Variants in NRG3 observed in about 807,000 individuals in gnomAD.
NRG3 encodes neuregulin 3, also known as pro-neuregulin-3, membrane-bound isoform.
In NRG3, 31 loss-of-function variants were observed where a neutral mutation model predicts 66.9. The observed-to-expected ratio is 0.46, with a 90% CI of 0.35 to 0.63. The LOEUF (loss-of-function observed/expected upper bound fraction) is 0.63. Ranked by LOEUF, NRG3 falls within the 20% of genes least tolerant of loss-of-function variation. NRG3 has a pLI of 0.00. For missense variants in NRG3, 910 were observed against 878.9 expected (o/e 1.04, Z -0.45); for synonymous variants, 393 against 359.4 (o/e 1.09, Z -1.06).
intron 2 of NRG3, among the ~76,000 whole-genome samples, chr10:82,454,396 A>G (rs887901923): frequency 2.6e-5 from 4 of 152,226 alleles, no homozygotes; most frequent in African/African-American, 9.6e-5. Flanking sequence ...ATATAAAAGA[A>G]TATCTTAGAA....
rs113299431 is a variant in NRG3, at chr10:82,711,282, C to T, written c.954-27295C>T. Among the ~76,000 whole-genome samples, 767 of 151,918 alleles carry T rather than the reference C, an allele frequency of 5.0e-3. 6 individuals are homozygous for T. The highest frequency in any genetic ancestry group is 0.018 in the African/African-American group (733 of 41,436). ...TTTTTATTTTTTTAGAGATGGAGCC[C>T]TGCCATGTTGCCCAGGCTGGTCTCA... On this transcript the variant is annotated intron_variant, in intron 2 of 8. Transcript: ENST00000372141.
Position 82,441,806 on chromosome 10 carries a change from G to A in NRG3, c.953+82938G>A, listed in dbSNP as rs111262145. On this transcript the variant is annotated intron_variant, in intron 2 of 8. Coordinates refer to ENST00000372141, the MANE Select transcript of NRG3 (RefSeq NM_001010848.4). ...TCATCAGAATCACACACAGCCTGCT[G>A]TGGTGACCAATCACCAGTCAGATCA... Among the ~76,000 whole-genome samples the A allele has an allele frequency of 5.6e-3, 851 of 152,322 alleles. 8 individuals are homozygous for A. The highest frequency in any genetic ancestry group is 0.016 in the African/African-American group (667 of 41,576).
intron 2 of NRG3, among the ~76,000 whole-genome samples, chr10:82,479,296 G>A (rs775791321): frequency 6.6e-5 from 10 of 152,076 alleles, no homozygotes; most frequent in South Asian, 2.1e-4. Flanking sequence ...TGGTACATAC[G>A]TATATTTATA....
At chr10:82,438,581 G>C (rs2090267796) in intron 2 of NRG3, among the ~76,000 whole-genome samples, 1 of 152,216 alleles carries the variant, frequency 6.6e-6, no homozygotes, top group Non-Finnish European at 1.5e-5. Flanking sequence ...ACCCCAGGAA[G>C]TCATTAGGAT....
chr10:82,678,730 G>A (rs528336772), intron 2 of NRG3, among the ~76,000 whole-genome samples: 9 of 152,152 alleles, frequency 5.9e-5, no homozygotes, highest in African/African-American at 1.9e-4. Flanking sequence ...TACTCCAACA[G>A]AGCAACAGCG....
chr10:82,438,167 C>T (rs1362275255), intron 2 of NRG3, among the ~76,000 whole-genome samples: 2 of 152,228 alleles, frequency 1.3e-5, no homozygotes, highest in African/African-American at 4.8e-5. Context: ...AAGTCTGCTG[C>T]TTTGCAGAGA....
At chr10:82,676,015 T>C (rs2053654651) in intron 2 of NRG3, among the ~76,000 whole-genome samples, 1 of 152,104 alleles carries the variant, frequency 6.6e-6, no homozygotes, top group South Asian at 2.1e-4. Flanking sequence ...AAAAATCATA[T>C]AGGAATCAGG....
chr10:82,633,516 G>T (rs1404243763), intron 2 of NRG3, among the ~76,000 whole-genome samples: 1 of 152,138 alleles, frequency 6.6e-6, no homozygotes, highest in Non-Finnish European at 1.5e-5. Flanking sequence ...CATTAATCAT[G>T]ATCTGGAGGG....
chr10:82,009,917 A>G (rs920075224), intron 1 of NRG3, among the ~76,000 whole-genome samples: 2 of 152,176 alleles, frequency 1.3e-5, no homozygotes, highest in African/African-American at 4.8e-5. Context: ...CATGCCACCA[A>G]TATGTGAGCT....
intron 2 of NRG3, among the ~76,000 whole-genome samples, chr10:82,411,238 T>G (rs1307609672): frequency 1.3e-5 from 2 of 151,982 alleles, no homozygotes; most frequent in Non-Finnish European, 2.9e-5. Context: ...TGTTTTTTAC[T>G]TGATATTTAT....
chr10:82,680,540 C>T (rs2054037698), intron 2 of NRG3, among the ~76,000 whole-genome samples: 1 of 152,188 alleles, frequency 6.6e-6, no homozygotes, highest in Non-Finnish European at 1.5e-5. Flanking sequence ...CCATAAATGT[C>T]TTACCAGACC....
chr10:82,359,608 T>C (rs1165030706), intron 2 of NRG3, among the ~76,000 whole-genome samples: 4 of 152,176 alleles, frequency 2.6e-5, no homozygotes, highest in Admixed American at 2.6e-4. Flanking sequence ...AGAATCAAAT[T>C]AACATCTGAA....
chr10:82,567,244 T>C (rs1212403397), intron 2 of NRG3, among the ~76,000 whole-genome samples: 1 of 151,746 alleles, frequency 6.6e-6, no homozygotes, highest in African/African-American at 2.4e-5. Context: ...TCCTGTGATA[T>C]AGGAAACACC....
chr10:82,626,076 A>G (rs1422633570), intron 2 of NRG3, among the ~76,000 whole-genome samples: 1 of 152,130 alleles, frequency 6.6e-6, no homozygotes. Context: ...GGGCTTTGCC[A>G]TCACTGAAGA....
At chr10:82,225,880 A>T (rs1053751907) in intron 1 of NRG3, among the ~76,000 whole-genome samples, 1 of 152,152 alleles carries the variant, frequency 6.6e-6, no homozygotes, top group Non-Finnish European at 1.5e-5. Context: ...TTGTTGAAGT[A>T]TATTAAGATC....
intron 1 of NRG3, among the ~76,000 whole-genome samples, chr10:82,104,590 A>C (rs1271679821): frequency 6.6e-6 from 1 of 152,230 alleles, no homozygotes; most frequent in Non-Finnish European, 1.5e-5. Context: ...GTGCTGTGTG[A>C]AAAAGGTAGT....
chr10:81,887,967 C>T (rs941469270), intron 1 of NRG3, among the ~76,000 whole-genome samples: 9 of 152,066 alleles, frequency 5.9e-5, no homozygotes, highest in African/African-American at 2.2e-4. Context: ...GATTTGTGCA[C>T]TTTTTGTATA....
chr10:82,288,067 G>T (rs2079524312), intron 1 of NRG3, among the ~76,000 whole-genome samples: 3 of 152,176 alleles, frequency 2.0e-5, no homozygotes, highest in Admixed American at 1.3e-4. Flanking sequence ...CCCCGATGGG[G>T]TCCCATTTAT....
chr10:82,730,650 G>A (rs2134641139), intron 2 of NRG3, among the ~76,000 whole-genome samples: 1 of 152,032 alleles, frequency 6.6e-6, no homozygotes. Context: ...AATAACAAGT[G>A]GTTAACTTAA....
Sources: gnomAD v4.1 joint callset for allele counts (sites outside exome capture counted in the v4.1 genomes callset) on GRCh38, gnomAD v4.1.1 for gene constraint, MANE v1.5 for transcripts, NCBI Gene and HGNC (gene_info 2026-07-23, HGNC 2026-07-21) for gene names.